The following ZNF618 variants were observed in gnomAD, a reference collection of about 807,000 sequenced individuals.
The protein encoded by ZNF618 is zinc finger protein 618, also known as neural precursor cell expressed, developmentally down-regulated 10.
ZNF618 carries 34 observed loss-of-function variants against 103.0 expected under a neutral mutation model. The observed-to-expected ratio is 0.33, with a 90% CI of 0.25 to 0.44. The LOEUF is 0.44. ZNF618 is among the 20% of genes least tolerant of loss of function. ZNF618 has a pLI of 1.00. For synonymous variants in ZNF618, 551 were observed against 542.2 expected (o/e 1.02, Z -0.23); for missense variants, 1,059 against 1,295.4 (o/e 0.82, Z 2.80).
intron 2 of ZNF618, among the ~76,000 whole-genome samples, chr9:113,987,081 G>A (rs1839554589): frequency 6.6e-6 from 1 of 152,142 alleles, no homozygotes; most frequent in South Asian, 2.1e-4. Flanking sequence ...GCTCTCCTCT[G>A]GCACAGTGGA....
chr9:114,041,185 T>A (rs1484589044), intron 13 of ZNF618, among the ~76,000 whole-genome samples: 3 of 152,238 alleles, frequency 2.0e-5, no homozygotes, highest in African/African-American at 7.2e-5. Flanking sequence ...GTTGTTTTTT[T>A]TCTTGTAAGT....
At chr9:114,032,795 C>A in intron 12 of ZNF618, 67 bp downstream of exon 12, 2 of 1,413,298 alleles carry the variant, frequency 1.4e-6, no homozygotes, top group Non-Finnish European at 2.0e-6. Context: ...CCCCTGGCAG[C>A]CGCGGCAGCA....
chr9:114,028,790 A>T lies in ZNF618; in HGVS notation c.902A>T (p.His301Leu). ...CCAGACACGGGCTCTGAGTGTTCAC[A>T]TCCAGAGGTCTCCCCATCTCCACGC... ...DDPDTGSECS[H>L]PEVSPSPRFV... The change falls in exon 11 of 15, where the codon CAT becomes CTT. Residue 301 changes from histidine to leucine, a missense_variant. This residue lies in a region of ZNF618 where 434 missense variants were observed against 476.0 expected (regional missense o/e 0.91). Transcript: ENST00000374126. 7 of 1,550,516 alleles carry T rather than the reference A, an allele frequency of 4.5e-6. No homozygotes were observed. Among genetic ancestry groups the T allele is most frequent in the Non-Finnish European group, 6.1e-6 (7 of 1,146,964 alleles).
At chr9:113,901,287 C>A (rs906999531) in intron 1 of ZNF618, among the ~76,000 whole-genome samples, 2 of 152,210 alleles carry the variant, frequency 1.3e-5, no homozygotes, top group African/African-American at 4.8e-5. Flanking sequence ...CGTCGTTGGG[C>A]CTCAGCGTCT....
chr9:113,987,250 G>C (rs4979311), intron 2 of ZNF618, among the ~76,000 whole-genome samples: 41,258 of 152,058 alleles, frequency 0.27, 7,081 homozygotes, highest in East Asian at 0.61. Flanking sequence ...ATGGACAGCT[G>C]TGTTGAAAGG....
chr9:113,988,291 A>C, intron 2 of ZNF618, 30 bp from the exon 3 acceptor site: 1 of 1,591,644 alleles, frequency 6.3e-7, no homozygotes, highest in Non-Finnish European at 8.6e-7. Flanking sequence ...TGGAGGAAGA[A>C]GGTATTGAAC....
intron 1 of ZNF618, among the ~76,000 whole-genome samples, chr9:113,965,569 CCTT>C (rs1308294674): frequency 1.3e-5 from 2 of 152,038 alleles, no homozygotes; most frequent in Non-Finnish European, 2.9e-5. Flanking sequence ...CTGGGGTCCT[CCTT>C]ATTTTATTTG....
intron 10 of ZNF618, among the ~76,000 whole-genome samples, chr9:114,022,625 A>G (rs1474812827): frequency 1.7e-5 from 2 of 119,188 alleles, no homozygotes; most frequent in African/African-American, 6.1e-5. Context: ...AAAAAAAGGC[A>G]TCTCGTATTG....
intron 1 of ZNF618, among the ~76,000 whole-genome samples, chr9:113,925,254 C>G (rs1832985844): frequency 6.6e-6 from 1 of 151,806 alleles, no homozygotes; most frequent in Non-Finnish European, 1.5e-5. Context: ...ATGTAATGCC[C>G]CTCTTTATCC....
chr9:113,971,902 C>T (rs142500993), intron 2 of ZNF618, among the ~76,000 whole-genome samples: 77 of 152,188 alleles, frequency 5.1e-4, no homozygotes, highest in Admixed American at 2.0e-3. Context: ...ACCATGGCGC[C>T]GGAATATGCA....
At chr9:113,956,395 C>A (rs10817540) in intron 1 of ZNF618, among the ~76,000 whole-genome samples, 24,483 of 152,034 alleles carry the variant, frequency 0.16, 2,199 homozygotes, top group Non-Finnish European at 0.21. Context: ...CAGGCAGCCA[C>A]TACTAAATGG....
intron 3 of ZNF618, among the ~76,000 whole-genome samples, chr9:113,996,798 GCTCTGCTGC>G: frequency 6.6e-6 from 1 of 152,274 alleles, no homozygotes; most frequent in African/African-American, 2.4e-5. Flanking sequence ...ATAGTGGGGG[GCTCTGCTGC>G]CCTGTAGCAT....
chr9:113,892,433 C>A (rs1353761512), intron 1 of ZNF618, among the ~76,000 whole-genome samples: 1 of 152,108 alleles, frequency 6.6e-6, no homozygotes, highest in African/African-American at 2.4e-5. Flanking sequence ...TTGGTTGAAT[C>A]CATGGATGTG....
chr9:113,890,712 G>A (rs185262331), intron 1 of ZNF618, among the ~76,000 whole-genome samples: 152 of 152,266 alleles, frequency 1.0e-3, no homozygotes, highest in African/African-American at 3.3e-3. Flanking sequence ...GGTGGTATCC[G>A]TTTACATTTC....
At chr9:113,973,302 G>A (rs572917789) in intron 2 of ZNF618, among the ~76,000 whole-genome samples, 1 of 152,274 alleles carries the variant, frequency 6.6e-6, no homozygotes, top group Admixed American at 6.5e-5. Flanking sequence ...CCTCCAACGT[G>A]GGCTTCTACC....
At chr9:114,044,827 GT>G (rs35934218) in intron 13 of ZNF618, among the ~76,000 whole-genome samples, 1 of 151,718 alleles carries the variant, frequency 6.6e-6, no homozygotes, top group African/African-American at 2.4e-5. Context: ...TGGTGGGGCA[GT>G]TTTTTGGCAA....
chr9:114,010,554 A>G (rs954132598), intron 9 of ZNF618, among the ~76,000 whole-genome samples: 31 of 151,406 alleles, frequency 2.0e-4, no homozygotes, highest in African/African-American at 6.3e-4. Context: ...AAATACAAAA[A>G]TTAGCCGGGC....
chr9:113,951,153 A>G (rs778876052), intron 1 of ZNF618, among the ~76,000 whole-genome samples: 44 of 151,378 alleles, frequency 2.9e-4, no homozygotes, highest in Non-Finnish European at 5.5e-4. Context: ...TTTCATGAAT[A>G]ACAACTTGCT....
At chr9:113,892,741 TG>T (rs1403841782) in intron 1 of ZNF618, among the ~76,000 whole-genome samples, 1 of 152,212 alleles carries the variant, frequency 6.6e-6, no homozygotes, top group Non-Finnish European at 1.5e-5. Context: ...TGTACTTAAA[TG>T]GTTTATCTAT....
Sources: allele counts gnomAD v4.1 joint callset (sites outside exome capture counted in the v4.1 genomes callset), GRCh38; gene constraint gnomAD v4.1.1; regional missense constraint gnomAD v4.1.1; transcripts MANE v1.5; gene names NCBI Gene and HGNC (gene_info 2026-07-23, HGNC 2026-07-21).